The following DNM3 variants were observed in gnomAD, a reference collection of about 807,000 sequenced individuals.
DNM3 encodes the protein dynamin 3.
A neutral mutation model predicts 101.6 loss-of-function variants in DNM3; 47 were observed. The ratio of observed to expected loss-of-function variants is 0.46; its 90% CI spans 0.37 to 0.59. The LOEUF is 0.59. Ranked by LOEUF, DNM3 falls within the 20% of genes least tolerant of loss-of-function variation. The pLI, the probability that DNM3 is intolerant of heterozygous loss-of-function variation, is 0.00. For missense variants in DNM3, 849 were observed against 1,085.7 expected (o/e 0.78, Z 3.06); for synonymous variants, 385 against 387.9 (o/e 0.99, Z 0.09).
At chr1:172,384,620 A>T (rs932061342) in intron 18 of DNM3, among the ~76,000 whole-genome samples, 7 of 152,222 alleles carry the variant, frequency 4.6e-5, no homozygotes, top group African/African-American at 1.7e-4. Flanking sequence ...GCTGTGGAAG[A>T]TTCAAGGCAC....
At chr1:172,296,316 T>C (rs1288258795) in intron 15 of DNM3, among the ~76,000 whole-genome samples, 1 of 152,230 alleles carries the variant, frequency 6.6e-6, no homozygotes, top group African/African-American at 2.4e-5. Context: ...AAGCACTAGT[T>C]GTGTGATTCC....
At chr1:172,083,288 T>C (rs749705829) in intron 12 of DNM3, among the ~76,000 whole-genome samples, 1 of 151,968 alleles carries the variant, frequency 6.6e-6, no homozygotes. Context: ...GGGGGGGGAA[T>C]GTAGAAAAAG....
At chr1:172,070,728 G>T (rs74644347) in intron 11 of DNM3, among the ~76,000 whole-genome samples, 10,362 of 151,784 alleles carry the variant, frequency 0.068, 696 homozygotes, top group East Asian at 0.17. Flanking sequence ...TTCAATTTTC[G>T]CATCTTAAAG....
intron 14 of DNM3, among the ~76,000 whole-genome samples, chr1:172,246,522 C>T (rs994164573): frequency 3.9e-5 from 6 of 152,078 alleles, no homozygotes; most frequent in Middle Eastern, 3.4e-3. Flanking sequence ...TCTTTTGAGG[C>T]AAAGAGAAGC....
intron 1 of DNM3, among the ~76,000 whole-genome samples, chr1:171,882,654 A>G (rs995135892): frequency 2.6e-5 from 4 of 152,136 alleles, no homozygotes; most frequent in African/African-American, 4.8e-5. Context: ...TCATGACTAC[A>G]TATTACCTTT....
At chr1:172,338,501 C>T (rs1187189968) in intron 17 of DNM3, among the ~76,000 whole-genome samples, 1 of 152,158 alleles carries the variant, frequency 6.6e-6, no homozygotes, top group African/African-American at 2.4e-5. Context: ...AATAGCAAAT[C>T]ATTTTTCCAG....
At chr1:172,059,689 C>T (rs76362055) in intron 10 of DNM3, among the ~76,000 whole-genome samples, 17,259 of 96,750 alleles carry the variant, frequency 0.18, 1,303 homozygotes, top group East Asian at 0.49. Context: ...ATTGATGGGA[C>T]GTATTTCAAA....
chr1:172,115,403 T>C (rs1326625045), intron 13 of DNM3, among the ~76,000 whole-genome samples: 1 of 152,052 alleles, frequency 6.6e-6, no homozygotes, highest in African/African-American at 2.4e-5. Context: ...CTCTTGTGAG[T>C]CTCTCCCCTC....
At chr1:171,884,491 T>G (rs1311479499) in intron 1 of DNM3, among the ~76,000 whole-genome samples, 2 of 152,240 alleles carry the variant, frequency 1.3e-5, no homozygotes, top group Non-Finnish European at 2.9e-5. Context: ...CACTGGGTTT[T>G]ATATGCATTA....
chr1:172,358,287 A>G (rs2067551050), intron 17 of DNM3, among the ~76,000 whole-genome samples: 1 of 152,046 alleles, frequency 6.6e-6, no homozygotes, highest in South Asian at 2.1e-4. Context: ...AATGTAAATG[A>G]CCACTATGGA....
In DNM3 at chr1:171,899,236, A is replaced by G. The variant is rs1242001823; in HGVS notation, c.162-22512A>G. ...TGATGGCTCGTAAGCAGCACTACAC[A>G]CTGGATCTGTAACTCCTTTTGAAAG... On this transcript the variant is annotated intron_variant, in intron 1 of 20. Transcript: ENST00000627582. 2.0e-5 allele frequency among the ~76,000 whole-genome samples: 3 copies of G among 152,278 alleles called. No individual in the cohort carries two copies. The East Asian group carries it at 5.8e-4, about 29-fold the overall frequency.
chr1:172,391,074 C>G (rs1209808109), intron 20 of DNM3, among the ~76,000 whole-genome samples: 1 of 152,168 alleles, frequency 6.6e-6, no homozygotes, highest in Non-Finnish European at 1.5e-5. Context: ...ATGAGTAGCC[C>G]GAGCTGGATG....
chr1:171,974,920 G>C (rs1055343522), intron 2 of DNM3, among the ~76,000 whole-genome samples: 10 of 151,298 alleles, frequency 6.6e-5, no homozygotes, highest in African/African-American at 2.4e-4. Context: ...GGAGTTAAAG[G>C]CTCACTGCAC....
chr1:171,842,297 C>T (rs1238420136), intron 1 of DNM3, among the ~76,000 whole-genome samples: 1 of 152,200 alleles, frequency 6.6e-6, no homozygotes, highest in Non-Finnish European at 1.5e-5. Flanking sequence ...CCCGAGCCCC[C>T]TCCCTTAGGT....
chr1:172,214,238 A>G (rs755118353), intron 14 of DNM3, among the ~76,000 whole-genome samples: 16 of 152,156 alleles, frequency 1.1e-4, no homozygotes, highest in Non-Finnish European at 2.1e-4. Flanking sequence ...AAAATAAAAC[A>G]TAGAAGTTGG....
intron 15 of DNM3, among the ~76,000 whole-genome samples, chr1:172,274,839 T>G (rs2063220341): frequency 6.6e-6 from 1 of 151,684 alleles, no homozygotes; most frequent in South Asian, 2.1e-4. Flanking sequence ...TCAGCAGCAC[T>G]CAAACTGGTC....
chr1:171,875,180 T>C (rs183924138), intron 1 of DNM3, among the ~76,000 whole-genome samples: 2 of 152,222 alleles, frequency 1.3e-5, no homozygotes, highest in African/African-American at 4.8e-5. Flanking sequence ...TTTGGGTATA[T>C]GCCCAGTAAT....
intron 17 of DNM3, among the ~76,000 whole-genome samples, chr1:172,368,878 C>G (rs2068171099): frequency 6.6e-6 from 1 of 151,688 alleles, no homozygotes; most frequent in African/African-American, 2.4e-5. Flanking sequence ...AATGGAAAAC[C>G]TAGAAGAAAT....
intron 14 of DNM3, chr1:172,133,428 G>T (rs1234904964): frequency 1.0e-6 from 1 of 985,582 alleles, no homozygotes; most frequent in South Asian, 4.7e-5. Flanking sequence ...TGTGTGCTGT[G>T]TATAACCAAG....
Sources: gnomAD v4.1 joint callset for allele counts (sites outside exome capture counted in the v4.1 genomes callset) on GRCh38, gnomAD v4.1.1 for gene constraint, MANE v1.5 for transcripts, NCBI Gene and HGNC (gene_info 2026-07-23, HGNC 2026-07-21) for gene names.